The following UNC13B variants were observed in gnomAD, a reference collection of about 807,000 sequenced individuals.
The protein encoded by UNC13B is protein unc-13 homolog B.
UNC13B carries 144 observed loss-of-function variants against 211.0 expected under a neutral mutation model. That is an observed-to-expected ratio of 0.68 (90% CI 0.60 to 0.78). The LOEUF is 0.78. UNC13B is among the 30% of genes least tolerant of loss of function. UNC13B has a pLI of 0.00. For synonymous variants in UNC13B, 709 were observed against 725.8 expected, an observed-to-expected ratio of 0.98 and a Z score of 0.37; for missense variants, 1,777 against 2,002.0, an observed-to-expected ratio of 0.89 and a Z score of 2.14.
intron 7 of UNC13B, among the ~76,000 whole-genome samples, chr9:35,272,357 A>G (rs140175282): frequency 6.7e-6 from 1 of 150,326 alleles, no homozygotes; most frequent in East Asian, 2.0e-4. Flanking sequence ...TCCTAGGTTC[A>G]AGCAATTCTC....
intron 7 of UNC13B, among the ~76,000 whole-genome samples, chr9:35,284,534 A>G (rs2085503956): frequency 6.6e-6 from 1 of 152,224 alleles, no homozygotes; most frequent in South Asian, 2.1e-4. Context: ...TTTTACTATA[A>G]TGCTAGGCTT....
At chr9:35,278,191 A>G (rs1828283821) in intron 7 of UNC13B, among the ~76,000 whole-genome samples, 1 of 152,224 alleles carries the variant, frequency 6.6e-6, no homozygotes, top group African/African-American at 2.4e-5. Context: ...CAAAAAGCCA[A>G]GATGTACAGG....
intron 3 of UNC13B, among the ~76,000 whole-genome samples, chr9:35,234,884 G>A (rs1326879446): frequency 1.3e-5 from 2 of 152,148 alleles, no homozygotes; most frequent in African/African-American, 4.8e-5. Flanking sequence ...GCACAACAGG[G>A]AACCCAAGCT....
chr9:35,365,004 C>G (rs1031618991), intron 11 of UNC13B, among the ~76,000 whole-genome samples: 1 of 152,240 alleles, frequency 6.6e-6, no homozygotes, highest in Non-Finnish European at 1.5e-5. Flanking sequence ...TGAGAGCAGG[C>G]TTTGCTGCAG....
At chr9:35,276,038 G>T (rs555294928) in intron 7 of UNC13B, among the ~76,000 whole-genome samples, 1 of 152,150 alleles carries the variant, frequency 6.6e-6, no homozygotes, top group South Asian at 2.1e-4. Flanking sequence ...AGGTGCAATG[G>T]CTTGTGCCTG....
chr9:35,352,417 C>T, intron 11 of UNC13B: 1 of 1,232,092 alleles, frequency 8.1e-7, no homozygotes, highest in Non-Finnish European at 1.0e-6. Flanking sequence ...ATGTGGGAGT[C>T]CGAATTGCCA....
At chr9:35,290,583 A>G (rs187771880) in intron 7 of UNC13B, among the ~76,000 whole-genome samples, 1 of 151,630 alleles carries the variant, frequency 6.6e-6, no homozygotes, top group African/African-American at 2.4e-5. Context: ...CTCCCAGACA[A>G]GGGAATTACT....
intron 1 of UNC13B, among the ~76,000 whole-genome samples, chr9:35,207,839 A>C (rs189354110): frequency 3.0e-4 from 45 of 152,296 alleles, no homozygotes; most frequent in African/African-American, 1.0e-3. Flanking sequence ...TTTAAAGTGC[A>C]AAAGTTTTAA....
At chr9:35,335,007 C>T (rs1024625072) in intron 11 of UNC13B, among the ~76,000 whole-genome samples, 3 of 152,144 alleles carry the variant, frequency 2.0e-5, no homozygotes, top group Non-Finnish European at 4.4e-5. Context: ...CACTGCATTC[C>T]AGCTGGGTGA....
chr9:35,393,574 CTT>C (rs749007486), intron 26 of UNC13B, among the ~76,000 whole-genome samples: 17 of 118,862 alleles, frequency 1.4e-4, no homozygotes, highest in East Asian at 2.7e-4. Context: ...GACTCTCTCT[CTT>C]TTTTTTTTTT....
At chr9:35,339,716 A>G (rs1224759800) in intron 11 of UNC13B, among the ~76,000 whole-genome samples, 3 of 152,266 alleles carry the variant, frequency 2.0e-5, no homozygotes, top group Non-Finnish European at 4.4e-5. Context: ...CACGTCTTCT[A>G]CTGCCTGAGC....
chr9:35,184,389 G>T (rs1822210786), intron 1 of UNC13B, among the ~76,000 whole-genome samples: 1 of 152,190 alleles, frequency 6.6e-6, no homozygotes, highest in Admixed American at 6.5e-5. Context: ...GGCGAGCCGA[G>T]ATCAAGCCAC....
At chr9:35,396,198 A>G (rs1329080491) in intron 26 of UNC13B, among the ~76,000 whole-genome samples, 1 of 152,222 alleles carries the variant, frequency 6.6e-6, no homozygotes, top group African/African-American at 2.4e-5. Context: ...GCCAGATGCT[A>G]GAACAAAAAG....
chr9:35,275,479 C>T (rs1329827593), intron 7 of UNC13B, among the ~76,000 whole-genome samples: 3 of 152,110 alleles, frequency 2.0e-5, no homozygotes, highest in Non-Finnish European at 2.9e-5. Flanking sequence ...AGGTAATCAT[C>T]GTTAGCATTT....
At chr9:35,243,402 G>A (rs776116793) in intron 6 of UNC13B, 38 bp downstream of exon 6, 15 of 1,604,652 alleles carry the variant, frequency 9.3e-6, no homozygotes, top group African/African-American at 4.0e-5. Flanking sequence ...AGAGATGGGG[G>A]AAAATCTCCA....
Position 35,273,890 on chromosome 9 carries a change from C to T in UNC13B, c.526+14840C>T, listed in dbSNP as rs549709530. Among the ~76,000 whole-genome samples, 13 of 152,286 alleles carry T rather than the reference C, an allele frequency of 8.5e-5. No homozygotes were observed. In the East Asian group the frequency reaches 2.3e-3, roughly 27 times the overall value. ...AGTAGAACAGGAAATGTTGTCCACT[C>T]GTTTTTGGTCCAGGATACCTTTCTT... On this transcript the variant is annotated intron_variant, in intron 7 of 39. Coordinates refer to ENST00000635942, the MANE Select transcript of UNC13B (RefSeq NM_001371189.2).
intron 1 of UNC13B, among the ~76,000 whole-genome samples, chr9:35,187,387 C>T (rs548004702): frequency 6.6e-6 from 1 of 152,316 alleles, no homozygotes; most frequent in South Asian, 2.1e-4. Context: ...GAGATCACCA[C>T]TTGATTCACA....
At chr9:35,235,155 G>A (rs1825423321) in intron 3 of UNC13B, among the ~76,000 whole-genome samples, 1 of 152,104 alleles carries the variant, frequency 6.6e-6, no homozygotes, top group African/African-American at 2.4e-5. Context: ...GTATGATACT[G>A]CTTTTAAATA....
intron 1 of UNC13B, among the ~76,000 whole-genome samples, chr9:35,191,712 C>T (rs772793779): frequency 1.3e-5 from 2 of 152,178 alleles, no homozygotes; most frequent in Non-Finnish European, 2.9e-5. Flanking sequence ...CACAAGACAC[C>T]CACCGTTGTA....
Sources: allele counts gnomAD v4.1 joint callset (sites outside exome capture counted in the v4.1 genomes callset), GRCh38; gene constraint gnomAD v4.1.1; transcripts MANE v1.5; gene names NCBI Gene and HGNC (gene_info 2026-07-23, HGNC 2026-07-21).